The following IRAK3 variants were observed in gnomAD, a reference collection of about 807,000 sequenced individuals.
The protein encoded by IRAK3 is interleukin-1 receptor-associated kinase 3.
A neutral mutation model predicts 56.6 loss-of-function variants in IRAK3; 57 were observed. The observed-to-expected ratio is 1.01, with a 90% CI of 0.81 to 1.26. The LOEUF (loss-of-function observed/expected upper bound fraction) is 1.26, where lower values mean the gene tolerates loss of function less well. Ranked by LOEUF, IRAK3 falls within the 50% of genes most tolerant of loss-of-function variation. The pLI is 0.00. For synonymous variants in IRAK3, 258 were observed against 255.7 expected (o/e 1.01, Z -0.09); for missense variants, 703 against 719.0 (o/e 0.98, Z 0.25).
In IRAK3 at chr12:66,217,164, T is replaced by G; in HGVS notation, c.589-7T>G. ...TTAATTTTGTTCTTGTCTTTCTGTA[T>G]ATGTAGGAGAAAAAAATGCAGTGTA... is the stretch of plus-strand genomic sequence containing the variant. On this transcript the variant is annotated splice_polypyrimidine_tract_variant and splice_region_variant and intron_variant, in intron 5 of 11. Coordinates refer to ENST00000261233, the MANE Select transcript of IRAK3 (RefSeq NM_007199.3). 6.3e-7 allele frequency: 1 copy of G among 1,593,586 alleles called. No individual in the cohort carries two copies. The highest frequency in any genetic ancestry group is 8.6e-7 in the Non-Finnish European group (1 of 1,161,356).
At chr12:66,195,784 C>T (rs939251093) in intron 1 of IRAK3, among the ~76,000 whole-genome samples, 94 of 152,196 alleles carry the variant, frequency 6.2e-4, no homozygotes, top group African/African-American at 2.2e-3. Context: ...CTCAGCATCC[C>T]GAGTGGGATT....
intron 6 of IRAK3, among the ~76,000 whole-genome samples, chr12:66,223,177 C>T (rs1453669708): frequency 6.6e-6 from 1 of 152,062 alleles, no homozygotes; most frequent in Non-Finnish European, 1.5e-5. Flanking sequence ...TCAGTTAAGG[C>T]AGGAACATGC....
intron 6 of IRAK3, among the ~76,000 whole-genome samples, chr12:66,225,714 T>C (rs2052778924): frequency 1.3e-5 from 2 of 151,868 alleles, no homozygotes; most frequent in South Asian, 4.2e-4. Context: ...AGGAATAGAG[T>C]TTTTGTTAAT....
intron 8 of IRAK3, among the ~76,000 whole-genome samples, chr12:66,233,734 C>CGAA (rs1369943047): frequency 1.3e-5 from 2 of 150,902 alleles, no homozygotes; most frequent in Non-Finnish European, 3.0e-5. Flanking sequence ...TAAGTCTTCA[C>CGAA]GGTCTTTGTG....
At chr12:66,228,530 G>A (rs1487714657) in intron 8 of IRAK3, among the ~76,000 whole-genome samples, 160 bp downstream of exon 8, 3 of 152,092 alleles carry the variant, frequency 2.0e-5, no homozygotes, top group African/African-American at 7.2e-5. Flanking sequence ...TTTTATTAAT[G>A]AAAATGTGTC....
In IRAK3 at chr12:66,189,348, C is replaced by T; in HGVS notation, c.49C>T (p.Leu17=). 6.5e-7 allele frequency: 1 copy of T among 1,531,998 alleles called. No individual in the cohort carries two copies. The highest frequency in any genetic ancestry group is 8.7e-7 in the Non-Finnish European group (1 of 1,145,468). 94.9% of individuals were successfully genotyped at this position (1,531,998 alleles called of 1,614,324 possible). A position where few individuals can be genotyped will look rare whatever the true frequency, so the allele number is the denominator to read the frequency against. ...CGGCGCGCTGTCGGCGCACACGCTGCTGTTCGACCTGCCGCCCGCGCTGCT... is the reference window on the plus strand; with the variant it reads ...CGGCGCGCTGTCGGCGCACACGCTGTTGTTCGACCTGCCGCCCGCGCTGCT... The part of the protein sequence containing the change: ...ARGALSAHTL[L]FDLPPALLGE... Residue 17 remains leucine (L), a synonymous_variant, in exon 1 of 12, where the codon CTG becomes TTG. Coordinates refer to ENST00000261233, the MANE Select transcript of IRAK3 (RefSeq NM_007199.3).
chr12:66,225,979 T>C (rs921450354), intron 6 of IRAK3, among the ~76,000 whole-genome samples: 2 of 152,210 alleles, frequency 1.3e-5, no homozygotes, highest in African/African-American at 4.8e-5. Flanking sequence ...TCTTATGTTT[T>C]GGTGACTTAA....
At chr12:66,203,309 T>C (rs965045551) in intron 1 of IRAK3, among the ~76,000 whole-genome samples, 2 of 152,180 alleles carry the variant, frequency 1.3e-5, no homozygotes, top group African/African-American at 4.8e-5. Flanking sequence ...CCTCTTGATA[T>C]TATGCACTGA....
intron 6 of IRAK3, among the ~76,000 whole-genome samples, chr12:66,217,927 G>C (rs2136930671): frequency 6.6e-6 from 1 of 152,204 alleles, no homozygotes; most frequent in Admixed American, 6.5e-5. Context: ...CAAAATAGTA[G>C]AGGCTAATCA....
At chr12:66,234,115 CG>C in intron 8 of IRAK3, 1 of 1,614,170 alleles carries the variant, frequency 6.2e-7, no homozygotes, top group Non-Finnish European at 8.5e-7. Flanking sequence ...GGTCATTAGA[CG>C]TCTCGACAGC....
chr12:66,213,669 G>A (rs1224894062), intron 5 of IRAK3, among the ~76,000 whole-genome samples: 1 of 151,856 alleles, frequency 6.6e-6, no homozygotes, highest in Non-Finnish European at 1.5e-5. Flanking sequence ...GTACCTCACT[G>A]GTGTGAGATG....
In IRAK3 at chr12:66,243,626, C is replaced by T. The variant is rs373602092; in HGVS notation, c.888-860C>T. On this transcript the variant is annotated intron_variant, in intron 8 of 11. Transcript: ENST00000261233. ...GAGCATTACCAAGTGCTGGGGAGGA[C>T]ACTATGCACTTCGTTTTCCCCCTGC... Among the ~76,000 whole-genome samples, 28 of 152,304 alleles carry T rather than the reference C, an allele frequency of 1.8e-4. No homozygotes were observed. In the South Asian group the frequency reaches 4.6e-3, roughly 25 times the overall value.
intron 5 of IRAK3, 119 bp downstream of exon 5, chr12:66,211,716 T>C: frequency 1.2e-6 from 1 of 847,312 alleles, no homozygotes; most frequent in Non-Finnish European, 1.9e-6. Context: ...ATTTTATAAG[T>C]GGAAATAAGA....
chr12:66,216,586 G>A (rs1168512291), intron 5 of IRAK3, among the ~76,000 whole-genome samples: 5 of 152,178 alleles, frequency 3.3e-5, no homozygotes, highest in Middle Eastern at 3.2e-3. Flanking sequence ...CAAGAACAGT[G>A]CTAGGGACAG....
rs1285282511 is a variant in IRAK3, at chr12:66,244,521, A to G, written c.923A>G (p.Lys308Arg). ...CTTTTGGATGATCAGTTTCAACCCA[A>G]ACTAACTGATTTTGCCATGGCACAC... The part of the protein sequence containing the change: ...NILLDDQFQP[K>R]LTDFAMAHFR... The change falls in exon 9 of 12, where the codon AAA becomes AGA. Residue 308 changes from lysine (K) to arginine (R), a missense_variant. Lys to Arg is a conservative substitution (Grantham distance 26, BLOSUM62 2). Transcript: ENST00000261233. 1 of 1,614,002 alleles carries G rather than the reference A, an allele frequency of 6.2e-7. No individual in the cohort carries two copies. The highest frequency in any genetic ancestry group is 1.3e-5 in the African/African-American group (1 of 74,928).
chr12:66,205,659 G>A lies in IRAK3; in HGVS notation c.316+1766G>A, dbSNP rs548517369. Among the ~76,000 whole-genome samples, 4 of 152,192 alleles carry A rather than the reference G, an allele frequency of 2.6e-5. No individual in the cohort carries two copies. The East Asian group carries it at 7.7e-4, about 29-fold the overall frequency. On this transcript the variant is annotated intron_variant, in intron 2 of 11. Transcript: ENST00000261233. ...GATTTAGTCCTTCTATGCTGCCACC[G>A]TGGACAGATTTATCAGTTATCTAAA...
At chr12:66,213,361 A>G (rs963169349) in intron 5 of IRAK3, among the ~76,000 whole-genome samples, 3 of 152,180 alleles carry the variant, frequency 2.0e-5, no homozygotes, top group Non-Finnish European at 2.9e-5. Context: ...CAGCAAAACC[A>G]TATCAGAAGT....
chr12:66,215,858 G>T (rs2052670964), intron 5 of IRAK3, among the ~76,000 whole-genome samples: 1 of 149,400 alleles, frequency 6.7e-6, no homozygotes, highest in Non-Finnish European at 1.5e-5. Context: ...AGCATTTAAT[G>T]AAGCCTTAGC....
intron 6 of IRAK3, among the ~76,000 whole-genome samples, chr12:66,221,552 TGA>T (rs1466591162): frequency 6.6e-6 from 1 of 152,226 alleles, no homozygotes; most frequent in Non-Finnish European, 1.5e-5. Flanking sequence ...CCTAATTTGT[TGA>T]GAGTTTTTAT....
Sources: gnomAD v4.1 joint callset for allele counts (sites outside exome capture counted in the v4.1 genomes callset) on GRCh38, gnomAD v4.1.1 for gene constraint, MANE v1.5 for transcripts, NCBI Gene and HGNC (gene_info 2026-07-23, HGNC 2026-07-21) for gene names.